The following AP1M1 variants were observed in gnomAD, a reference collection of about 807,000 sequenced individuals.
AP1M1 encodes the protein adaptor related protein complex 1 subunit mu 1, also known as AP-1 complex subunit mu-1.
A neutral mutation model predicts 57.1 loss-of-function variants in AP1M1; 18 were observed. The ratio of observed to expected loss-of-function variants is 0.32; its 90% CI spans 0.22 to 0.47. The LOEUF is 0.47. Among genes scored for constraint, AP1M1 ranks in the 20% least tolerant of loss-of-function variants. The pLI is 1.00. For missense variants in AP1M1, 362 were observed against 593.5 expected (o/e 0.61, Z 4.05); for synonymous variants, 241 against 237.9 (o/e 1.01, Z -0.12).
chr19:16,212,545 C>G (rs978231642), intron 5 of AP1M1, among the ~76,000 whole-genome samples: 5 of 152,088 alleles, frequency 3.3e-5, no homozygotes, highest in Non-Finnish European at 5.9e-5. Flanking sequence ...TTTAAAACAC[C>G]AGCTCCTGGC....
In AP1M1 at chr19:16,244,397, A is replaced by T. The variant is rs1313002731; in HGVS notation, c.*9962A>T. The T allele has an allele frequency of 6.6e-6, 1 of 152,246 alleles. No individual in the cohort carries two copies. Among genetic ancestry groups the T allele is most frequent in the Non-Finnish European group, 1.5e-5 (1 of 68,048 alleles). The allele number at this position is 152,246 out of a possible 1,614,324, so 9.4% of individuals were successfully genotyped here. On this transcript the variant is annotated 3_prime_UTR_variant, in exon 12 of 12. Coordinates refer to ENST00000291439, the MANE Select transcript of AP1M1 (RefSeq NM_032493.4). ...GATCTCAGACGGAAGGGCATGATGC[A>T]AGAAGAAATAAAAGCAAAGAAGTAG...
At chr19:16,221,229 G>A (rs1285305170) in intron 5 of AP1M1, among the ~76,000 whole-genome samples, 5 of 152,202 alleles carry the variant, frequency 3.3e-5, no homozygotes, top group African/African-American at 9.7e-5. Flanking sequence ...CCAGGTTCAA[G>A]CTGTTATAAG....
At chr19:16,220,512 T>A (rs751448247) in intron 5 of AP1M1, among the ~76,000 whole-genome samples, 9 of 152,134 alleles carry the variant, frequency 5.9e-5, no homozygotes, top group Non-Finnish European at 1.0e-4. Flanking sequence ...AGCCTCAGCC[T>A]CCCATGTAGT....
chr19:16,202,790 A>G (rs1404297529), intron 1 of AP1M1, among the ~76,000 whole-genome samples: 2 of 152,206 alleles, frequency 1.3e-5, no homozygotes, highest in Non-Finnish European at 2.9e-5. Context: ...TGCTGTTAAG[A>G]TTCTCGTGCT....
Position 16,227,249 on chromosome 19 carries a change from A to G in AP1M1, c.674-299A>G, listed in dbSNP as rs1051521395. Among the ~76,000 whole-genome samples, 1 of 152,140 alleles carries G rather than the reference A, an allele frequency of 6.6e-6. No homozygotes were observed. The highest frequency in any genetic ancestry group is 6.5e-5 in the Admixed American group (1 of 15,282). ...CCCGAGCCATCCCCCAGCCAAGTCCACTGATCAATCATTCAGTGAACGTGT... is the reference window on the plus strand; with the variant it reads ...CCCGAGCCATCCCCCAGCCAAGTCCGCTGATCAATCATTCAGTGAACGTGT... On this transcript the variant is annotated intron_variant, in intron 6 of 11. Transcript: ENST00000291439. The surrounding 1 kb of genome is among the most constrained non-coding windows in gnomAD (Gnocchi z 6.2).
chr19:16,208,347 C>T (rs1348055960), intron 4 of AP1M1, 198 bp downstream of exon 4: 4 of 499,030 alleles, frequency 8.0e-6, no homozygotes, highest in South Asian at 3.1e-5. Flanking sequence ...CCCACATAAC[C>T]GTGCTTTTCC....
At chr19:16,234,354 G>T in intron 11 of AP1M1, 59 bp from the exon 12 acceptor site, 1 of 1,613,374 alleles carries the variant, frequency 6.2e-7, no homozygotes, top group Non-Finnish European at 8.5e-7. Flanking sequence ...CCATCGGGTC[G>T]GGTCCCGAAA....
rs1599456622 is a variant in AP1M1, at chr19:16,211,889, G to A, written c.546+2712G>A. ...TTTCTGTCTTTAGTTCTATTTATGT[G>A]ATGAATCATGTTTATTGATTTGCAT... On this transcript the variant is annotated intron_variant, in intron 5 of 11. Transcript: ENST00000291439. 2.6e-5 allele frequency among the ~76,000 whole-genome samples: 4 copies of A among 152,180 alleles called. 1 individual carries two copies. The highest frequency in any genetic ancestry group is 2.6e-4 in the Admixed American group (4 of 15,288).
intron 5 of AP1M1, among the ~76,000 whole-genome samples, chr19:16,224,241 A>C (rs1301301260): frequency 6.6e-6 from 1 of 152,228 alleles, no homozygotes; most frequent in Non-Finnish European, 1.5e-5. Context: ...ATTGAGCCGA[A>C]AACAGGGTCC....
At chr19:16,221,135 T>C (rs567266133) in intron 5 of AP1M1, among the ~76,000 whole-genome samples, 45 of 152,332 alleles carry the variant, frequency 3.0e-4, no homozygotes, top group Non-Finnish European at 4.0e-4. Flanking sequence ...TTTGTTTTGT[T>C]TTGTTTTTTG....
At position 16,235,082 on chromosome 19, in the gene AP1M1, TGC is replaced by T. The variant is rs2091619464; in HGVS notation, c.*648_*649del. ...CGCGCTCGGGGGCCACTGTAGCGTC[TGC>T]CTGCTCCCTGGACTCGCAGGCCTCG... On this transcript the variant is annotated 3_prime_UTR_variant, in exon 12 of 12. Transcript: ENST00000291439. 1 of 152,730 alleles carries T rather than the reference TGC, an allele frequency of 6.5e-6. No individual in the cohort carries two copies. Among genetic ancestry groups the T allele is most frequent in the African/African-American group, 2.4e-5 (1 of 41,460 alleles). The allele number at this position is 152,730 out of a possible 1,614,324, so 9.5% of individuals were successfully genotyped here.
Position 16,207,065 on chromosome 19 carries a change from C to T in AP1M1, c.267+657C>T, listed in dbSNP as rs1653471907. 6.6e-6 allele frequency among the ~76,000 whole-genome samples: 1 copy of T among 152,186 alleles called. No individual in the cohort carries two copies. Among genetic ancestry groups the T allele is most frequent in the Non-Finnish European group, 1.5e-5 (1 of 68,030 alleles). On this transcript the variant is annotated intron_variant, in intron 3 of 11. Transcript: ENST00000291439. This position sits in a 1 kb window ranked among gnomAD's most constrained non-coding sequence, Gnocchi z 4.2. ...AAGACGTGGTTTGATCTAAAGCAGC[C>T]TCTCTGGCTGCTGAGCAGAAGGAGG...
rs1017727016 is a variant in AP1M1 at position 16,241,494 on chromosome 19, A to C, written c.*7059A>C. On this transcript the variant is annotated 3_prime_UTR_variant, in exon 12 of 12. Coordinates refer to ENST00000291439, the MANE Select transcript of AP1M1 (RefSeq NM_032493.4). Reference sequence around the variant, plus strand: ...AATAATAACAGTGACTAACGTATAGAGTAGCGACAAAAGGCGCAACTGAAG... The same window carrying C: ...AATAATAACAGTGACTAACGTATAGCGTAGCGACAAAAGGCGCAACTGAAG... 1 of 152,208 alleles carries C rather than the reference A, an allele frequency of 6.6e-6. No individual in the cohort carries two copies. The highest frequency in any genetic ancestry group is 2.4e-5 in the African/African-American group (1 of 41,452). The allele number at this position is 152,208 out of a possible 1,614,324, so 9.4% of individuals were successfully genotyped here. A position where few individuals can be genotyped will look rare whatever the true frequency, so the allele number is the denominator to read the frequency against.
At chr19:16,213,614 C>T (rs2091504957) in intron 5 of AP1M1, among the ~76,000 whole-genome samples, 1 of 152,116 alleles carries the variant, frequency 6.6e-6, no homozygotes, top group Admixed American at 6.6e-5. Flanking sequence ...CCTGCCTCAG[C>T]CTCCCAAATA....
At chr19:16,199,373 T>G (rs980505275) in intron 1 of AP1M1, among the ~76,000 whole-genome samples, 1 of 152,154 alleles carries the variant, frequency 6.6e-6, no homozygotes, top group African/African-American at 2.4e-5. Context: ...GTCCCCACCT[T>G]TTAGAAATGG....
chr19:16,212,995 G>A (rs1238827270), intron 5 of AP1M1, among the ~76,000 whole-genome samples: 2 of 152,140 alleles, frequency 1.3e-5, no homozygotes, highest in Non-Finnish European at 2.9e-5. Flanking sequence ...TGCATCTGCT[G>A]AGGATTATTT....
Position 16,208,137 on chromosome 19 carries a change from A to G in AP1M1, c.386A>G (p.Lys129Arg). Residue 129 changes from lysine to arginine, a missense_variant, in exon 4 of 12, where the codon AAG (lysine) becomes AGG (arginine). By Grantham distance (26) the Lys-to-Arg change is conservative (BLOSUM62 2). This residue lies in a region of AP1M1 where 337 missense variants were observed against 511.1 expected (regional missense o/e 0.66). Coordinates refer to ENST00000291439, the MANE Select transcript of AP1M1 (RefSeq NM_032493.4). ...DFGYPQTTDSKILQEYITQEG... is the reference protein window; with the variant it reads ...DFGYPQTTDSRILQEYITQEG... ...GGCTACCCCCAGACCACCGACAGCA[A>G]GATCCTGCAGGAGTGAGTGGGCAGG... 1 of 1,613,142 alleles carries G rather than the reference A, an allele frequency of 6.2e-7. No individual in the cohort carries two copies.
rs142555840 is a variant in AP1M1 at position 16,227,615 on chromosome 19, C to T, written c.741C>T (p.Phe247=). 91 of 1,614,052 alleles carry T rather than the reference C, an allele frequency of 5.6e-5. No homozygotes were observed. The highest frequency in any genetic ancestry group is 6.8e-5 in the Non-Finnish European group (80 of 1,179,960). Reference sequence around the variant, plus strand: ...ACCAGTGTGTGCGGCTATCACGCTTCGAGAATGACCGCACCATCTCCTTCA... The same window carrying T: ...ACCAGTGTGTGCGGCTATCACGCTTTGAGAATGACCGCACCATCTCCTTCA... ...KFHQCVRLSR[F]ENDRTISFIP... The change falls in exon 7 of 12, where the codon TTC becomes TTT. Residue 247 remains phenylalanine, a synonymous_variant. Transcript: ENST00000291439. The surrounding 1 kb of genome is among the most constrained non-coding windows in gnomAD (Gnocchi z 6.2).
chr19:16,239,014 A>AC lies in AP1M1; in HGVS notation c.*4581dup, dbSNP rs1364543449. On this transcript the variant is annotated 3_prime_UTR_variant, in exon 12 of 12. Transcript: ENST00000291439. The stretch of plus-strand genomic sequence containing the variant: ...AATGGTGTGATCTCGGCTCACTGCA[A>AC]CCTCCGCCTTCTGGGTTCAAGCAAT... 1 of 148,774 alleles carries AC rather than the reference A, an allele frequency of 6.7e-6. No individual in the cohort carries two copies. The highest frequency in any genetic ancestry group is 1.5e-5 in the Non-Finnish European group (1 of 67,236). 9.2% of individuals were successfully genotyped at this position (148,774 alleles called of 1,614,324 possible).
Sources: allele counts gnomAD v4.1 joint callset (sites outside exome capture counted in the v4.1 genomes callset), GRCh38; gene constraint gnomAD v4.1.1; regional missense constraint gnomAD v4.1.1; non-coding constraint Gnocchi (gnomAD v3.1); transcripts MANE v1.5; gene names NCBI Gene and HGNC (gene_info 2026-07-23, HGNC 2026-07-21).